Variants in MKRN2 observed in about 807,000 individuals in gnomAD.
The protein encoded by MKRN2 is E3 ubiquitin-protein ligase makorin-2.
In MKRN2, 32 loss-of-function variants were observed where a neutral mutation model predicts 45.4. The ratio of observed to expected loss-of-function variants is 0.70; its 90% CI spans 0.53 to 0.95. The LOEUF (loss-of-function observed/expected upper bound fraction) is 0.95, where lower values mean the gene tolerates loss of function less well. Among genes scored for constraint, MKRN2 ranks in the 40% least tolerant of loss-of-function variants. MKRN2 has a pLI of 0.00. For missense variants in MKRN2, 526 were observed against 536.7 expected (o/e 0.98, Z 0.20); for synonymous variants, 206 against 192.4 (o/e 1.07, Z -0.59).
rs767951710 is a variant in MKRN2 at position 12,572,277 on chromosome 3, G to A, written c.546G>A (p.Gly182=). 6.2e-7 allele frequency: 1 copy of A among 1,614,006 alleles called. No homozygotes were observed. Among genetic ancestry groups the A allele is most frequent in the Non-Finnish European group, 8.5e-7 (1 of 1,179,932 alleles). Residue 182 remains glycine (G), a synonymous_variant, in exon 4 of 8, where the codon GGG becomes GGA. Coordinates refer to ENST00000170447, the MANE Select transcript of MKRN2 (RefSeq NM_014160.5). ...PYAAAGECRF[G]DACVYLHGEV... is the part of the protein sequence containing the mutation. ...CAGCTGCTGGGGAGTGCCGGTTTGG[G>A]GATGCCTGTGTCTACCTGCACGGGG... is the stretch of plus-strand genomic sequence containing the variant.
Position 12,581,911 on chromosome 3 carries a change from G to A in MKRN2, c.1072G>A (p.Glu358Lys). The change falls in exon 7 of 8, where the codon GAG (glutamate) becomes AAG (lysine). Residue 358 changes from glutamate to lysine, a missense_variant. Coordinates refer to ENST00000170447, the MANE Select transcript of MKRN2 (RefSeq NM_014160.5). ...CCCCGATGGGCGGCTAGCAGAGCCT[G>A]AGAAACCTCGGAAACAGCTCAGTTC... is the stretch of plus-strand genomic sequence containing the variant. ...AYPDGRLAEPEKPRKQLSSQG... is the reference protein window; with the variant it reads ...AYPDGRLAEPKKPRKQLSSQG... The A allele has an allele frequency of 8.1e-6, 13 of 1,614,204 alleles. No homozygotes were observed. The highest frequency in any genetic ancestry group is 1.1e-5 in the Non-Finnish European group (13 of 1,180,050).
intron 1 of MKRN2, among the ~76,000 whole-genome samples, chr3:12,560,104 G>A (rs567673060): frequency 2.6e-5 from 4 of 152,328 alleles, no homozygotes; most frequent in East Asian, 3.9e-4. Context: ...CGGCAGGGCT[G>A]TTTAAAAATT....
chr3:12,560,429 AAGG>A (rs1418366925), intron 1 of MKRN2, among the ~76,000 whole-genome samples: 1 of 150,780 alleles, frequency 6.6e-6, no homozygotes, highest in Non-Finnish European at 1.5e-5. Context: ...CTGCTGTCAC[AAGG>A]AGTATAGCCG....
chr3:12,580,623 T>G (rs902672594), intron 6 of MKRN2, among the ~76,000 whole-genome samples: 3 of 152,066 alleles, frequency 2.0e-5, no homozygotes, highest in African/African-American at 7.2e-5. Flanking sequence ...CACACCCAGC[T>G]CATTTGTGTA....
chr3:12,569,128 T>TA, intron 2 of MKRN2, 125 bp downstream of exon 2: 1 of 1,240,448 alleles, frequency 8.1e-7, no homozygotes, highest in South Asian at 1.7e-5. Context: ...CAAATAAGTT[T>TA]AAAACCTCAG....
At chr3:12,566,276 G>C (rs2058068614) in intron 1 of MKRN2, among the ~76,000 whole-genome samples, 1 of 152,212 alleles carries the variant, frequency 6.6e-6, no homozygotes, top group South Asian at 2.1e-4. Flanking sequence ...CAGACTAAAT[G>C]TGGGGCTTAC....
chr3:12,578,321 T>G (rs933694365), intron 6 of MKRN2, among the ~76,000 whole-genome samples: 1 of 143,742 alleles, frequency 7.0e-6, no homozygotes, highest in Non-Finnish European at 1.5e-5. Flanking sequence ...TCTTTTTTTT[T>G]TTTTTTTTTT....
intron 3 of MKRN2, among the ~76,000 whole-genome samples, chr3:12,570,557 A>G (rs1362151793): frequency 1.3e-5 from 2 of 152,146 alleles, no homozygotes; most frequent in African/African-American, 4.8e-5. Context: ...CCAGCTGGTG[A>G]GAAGCATCAA....
intron 6 of MKRN2, among the ~76,000 whole-genome samples, chr3:12,580,886 C>T (rs914817974): frequency 2.6e-5 from 4 of 152,226 alleles, no homozygotes; most frequent in East Asian, 1.9e-4. Context: ...TCTTGTCTCC[C>T]GCTGTCACAC....
chr3:12,567,265 C>G (rs1474697984), intron 1 of MKRN2, among the ~76,000 whole-genome samples: 3 of 149,330 alleles, frequency 2.0e-5, no homozygotes, highest in Admixed American at 6.7e-5. Flanking sequence ...TACTCTAACA[C>G]TAGTTTACTT....
chr3:12,570,082 C>A lies in MKRN2; in HGVS notation c.167C>A (p.Thr56Lys), dbSNP rs773116580. ...AYGTRCRYDHTRPSAAAGGAV... is the reference protein window; with the variant it reads ...AYGTRCRYDHKRPSAAAGGAV... ...TGTGTTTTGTTTAGATATGACCACA[C>A]GAGGCCCTCTGCTGCAGCTGGAGGT... The change falls in exon 3 of 8, where the codon ACG becomes AAG. Residue 56 changes from threonine to lysine, a missense_variant. Physicochemically the swap from Thr to Lys is moderately conservative, Grantham distance 78 (BLOSUM62 -1). Coordinates refer to ENST00000170447, the MANE Select transcript of MKRN2 (RefSeq NM_014160.5). The A allele has an allele frequency of 1.2e-4, 199 of 1,610,476 alleles. No homozygotes were observed. The highest frequency in any genetic ancestry group is 1.6e-4 in the Non-Finnish European group (194 of 1,178,876).
At chr3:12,579,251 G>A (rs972814070) in intron 6 of MKRN2, among the ~76,000 whole-genome samples, 1 of 152,068 alleles carries the variant, frequency 6.6e-6, no homozygotes, top group African/African-American at 2.4e-5. Flanking sequence ...TGCAACCTCC[G>A]CCTCCAGGGT....
At chr3:12,568,140 A>C (rs2058080018) in intron 1 of MKRN2, among the ~76,000 whole-genome samples, 1 of 152,226 alleles carries the variant, frequency 6.6e-6, no homozygotes, top group Non-Finnish European at 1.5e-5. Context: ...ATTTGGCCCA[A>C]CTGTAGGCTG....
chr3:12,558,818 T>G (rs898662845), intron 1 of MKRN2, among the ~76,000 whole-genome samples: 1 of 152,160 alleles, frequency 6.6e-6, no homozygotes, highest in East Asian at 1.9e-4. Flanking sequence ...TCACTTCTGT[T>G]TAAGTGTTTA....
chr3:12,575,052 T>G, intron 5 of MKRN2, 46 bp downstream of exon 5: 1 of 1,558,310 alleles, frequency 6.4e-7, no homozygotes, highest in Non-Finnish European at 8.8e-7. Flanking sequence ...GGAGAATGTT[T>G]GATTTGAGAC....
chr3:12,574,698 C>T (rs1280728904), intron 4 of MKRN2, 94 bp from the exon 5 acceptor site: 2 of 1,174,246 alleles, frequency 1.7e-6, no homozygotes, highest in Non-Finnish European at 1.2e-6. Context: ...CCTTCCTGAT[C>T]TCAGCTGTGG....
At chr3:12,576,121 C>T (rs915688328) in intron 5 of MKRN2, among the ~76,000 whole-genome samples, 1 of 151,494 alleles carries the variant, frequency 6.6e-6, no homozygotes, top group Non-Finnish European at 1.5e-5. Flanking sequence ...GTGGCTGCAC[C>T]CTTTTACATT....
chr3:12,557,214 C>G, intron 1 of MKRN2, 38 bp downstream of exon 1: 1 of 1,529,714 alleles, frequency 6.5e-7, no homozygotes, highest in South Asian at 1.2e-5. Flanking sequence ...GGCCGCTCCC[C>G]CAGGCCGCAG....
rs1213692478 is a variant in MKRN2, at chr3:12,583,562, G to C, written c.*1309G>C. 7.7e-5 allele frequency: 17 copies of C among 221,050 alleles called. No individual in the cohort carries two copies. The East Asian group carries it at 1.1e-3, about 15-fold the overall frequency. The allele number at this position is 221,050 out of a possible 1,614,324, so 13.7% of individuals were successfully genotyped here. A position where few individuals can be genotyped will look rare whatever the true frequency, so the allele number is the denominator to read the frequency against. On this transcript the variant is annotated 3_prime_UTR_variant, in exon 8 of 8. Transcript: ENST00000170447. ...TGAACAAATGGGGCATTCAAGTTGT[G>C]AGCTCAGAATTACTTTAAAAGGAGG...
Sources: allele counts gnomAD v4.1 joint callset (sites outside exome capture counted in the v4.1 genomes callset), GRCh38; gene constraint gnomAD v4.1.1; transcripts MANE v1.5; gene names NCBI Gene and HGNC (gene_info 2026-07-23, HGNC 2026-07-21).